The following WBP2 variants were observed in gnomAD, a reference collection of about 807,000 sequenced individuals.
WBP2 encodes WW domain-binding protein 2.
In WBP2, 23 loss-of-function variants were observed where a neutral mutation model predicts 33.0. That is an observed-to-expected ratio of 0.70 (90% CI 0.50 to 0.99). WBP2 has a LOEUF of 0.99. Among genes scored for constraint, WBP2 ranks in the 50% least tolerant of loss-of-function variants. The pLI, the probability that WBP2 is intolerant of heterozygous loss-of-function variation, is 0.00. For missense variants in WBP2, 353 were observed against 358.0 expected (o/e 0.99, Z 0.11); for synonymous variants, 153 against 133.5 (o/e 1.15, Z -1.01).
At chr17:75,847,109 A>G (rs1219794195) in intron 6 of WBP2, 125 bp from the exon 7 acceptor site, 9 of 1,066,844 alleles carry the variant, frequency 8.4e-6, no homozygotes, top group African/African-American at 1.6e-5. Context: ...CAATGAGAGC[A>G]GCAGGTGAGG....
Position 75,855,230 on chromosome 17 carries a change from T to C in WBP2, c.59+9A>G, listed in dbSNP as rs1267729166. On this transcript the variant is annotated intron_variant, in intron 1 of 7. Transcript: ENST00000254806. ...TTGGTCCTCCAGGATCCTTCCGCAG[T>C]GTTTTCACCTCTCGGTGTTATTGAC... 3 of 1,600,468 alleles carry C rather than the reference T, an allele frequency of 1.9e-6. No individual in the cohort carries two copies. Among genetic ancestry groups the C allele is most frequent in the Non-Finnish European group, 2.6e-6 (3 of 1,175,036 alleles).
In WBP2 at chr17:75,846,416, T is replaced by G; in HGVS notation, c.*318A>C. The G allele has an allele frequency of 4.7e-6, 2 of 426,586 alleles. No individual in the cohort carries two copies. The highest frequency in any genetic ancestry group is 2.2e-5 in the South Asian group (1 of 44,884). 26.4% of individuals were successfully genotyped at this position (426,586 alleles called of 1,614,324 possible). A position where few individuals can be genotyped will look rare whatever the true frequency, so the allele number is the denominator to read the frequency against. ...GGGAGCTGGACTGCGGTGGAGGAGG[T>G]GGCCAGAGAGTCCCTTCGAGGGGAG... On this transcript the variant is annotated 3_prime_UTR_variant, in exon 8 of 8. Transcript: ENST00000254806. The surrounding 1 kb of genome is among the most constrained non-coding windows in gnomAD (Gnocchi z 4.8).
intron 6 of WBP2, chr17:75,847,242 G>C: frequency 1.4e-6 from 1 of 691,464 alleles, no homozygotes; most frequent in Non-Finnish European, 2.4e-6. Flanking sequence ...GTGTAGATGA[G>C]AGGATCGAGA....
At chr17:75,853,134 C>T (rs1298216483) in intron 1 of WBP2, among the ~76,000 whole-genome samples, 1 of 152,182 alleles carries the variant, frequency 6.6e-6, no homozygotes, top group Non-Finnish European at 1.5e-5. Context: ...GCAACCTCCA[C>T]CTCCTGCGTT....
chr17:75,855,693 G>C (rs1003812148), upstream of WBP2, among the ~76,000 whole-genome samples: 3 of 152,264 alleles, frequency 2.0e-5, no homozygotes, highest in African/African-American at 7.2e-5. Flanking sequence ...CTCCTGGCAG[G>C]GGCGCGATCT....
chr17:75,848,002 G>A (rs2065005681), intron 4 of WBP2, 72 bp from the exon 5 acceptor site: 2 of 1,529,096 alleles, frequency 1.3e-6, no homozygotes, highest in Non-Finnish European at 1.8e-6. Context: ...CCCGCTGCCT[G>A]CAGATGGGAG....
At position 75,853,261 on chromosome 17, in the gene WBP2, G is replaced by A. The variant is rs571213545; in HGVS notation, c.60-1585C>T. Among the ~76,000 whole-genome samples the A allele has an allele frequency of 2.6e-5, 4 of 152,130 alleles. No homozygotes were observed. The East Asian group carries it at 5.8e-4, about 22-fold the overall frequency. ...AGGTTTTACCATGTTGGTCAGGCGG[G>A]TTTCAAACTCCTGACCTCAAGTGAT... On this transcript the variant is annotated intron_variant, in intron 1 of 7. Transcript: ENST00000254806.
In WBP2 at chr17:75,846,296, A is replaced by G. The variant is rs566670076; in HGVS notation, c.*438T>C. ...TTCTGAGACCAGCACAGACCAGCAG[A>G]GGGAATGTGAGCAGGGTCTGGCAGG... On this transcript the variant is annotated 3_prime_UTR_variant, in exon 8 of 8. Transcript: ENST00000254806. The surrounding 1 kb of genome is among the most constrained non-coding windows in gnomAD (Gnocchi z 4.8). The G allele has an allele frequency of 4.1e-5, 9 of 221,368 alleles. No homozygotes were observed. Among genetic ancestry groups the G allele is most frequent in the Non-Finnish European group, 7.5e-5 (8 of 107,140 alleles). The allele number at this position is 221,368 out of a possible 1,614,324, so 13.7% of individuals were successfully genotyped here. A position where few individuals can be genotyped will look rare whatever the true frequency, so the allele number is the denominator to read the frequency against.
chr17:75,849,613 C>T lies in WBP2; in HGVS notation c.295G>A (p.Glu99Lys). 6.2e-7 allele frequency: 1 copy of T among 1,614,064 alleles called. No homozygotes were observed. The highest frequency in any genetic ancestry group is 1.7e-5 in the Admixed American group (1 of 60,026). ...AGTTCCCATCACCTACCTCCCGCTTCCGCCTTCACTGTTCCCTTGATGTAG... is the reference window on the plus strand; with the variant it reads ...AGTTCCCATCACCTACCTCCCGCTTTCGCCTTCACTGTTCCCTTGATGTAG... ...ANYIKGTVKAEAGGGWEGSAS... is the reference protein window; with the variant it reads ...ANYIKGTVKAKAGGGWEGSAS... The change falls in exon 3 of 8, where the codon GAA becomes AAA. Residue 99 changes from glutamate to lysine, a missense_variant. Coordinates refer to ENST00000254806, the MANE Select transcript of WBP2 (RefSeq NM_012478.4).
Position 75,846,776 on chromosome 17 carries a change from CG to C in WBP2, c.743del (p.Pro248ArgfsTer52). Reference protein sequence around the residue: ...HNVYMPTSQPPPPPYYPPEDK... With the variant: ...HNVYMPTSQPXPPPYYPPEDK... ...CTTCCGGTGGGTAGTAGGGAGGTGGCGGCGGCTGGCTCTAAAGAAGGGAGAA... is the reference window on the plus strand; with the variant it reads ...CTTCCGGTGGGTAGTAGGGAGGTGGCGCGGCTGGCTCTAAAGAAGGGAGAA... On this transcript the variant is annotated frameshift_variant, in exon 8 of 8. Transcript: ENST00000254806. LOFTEE classifies it high-confidence loss of function. This position sits in a 1 kb window ranked among gnomAD's most constrained non-coding sequence, Gnocchi z 4.8. 1 of 1,548,730 alleles carries C rather than the reference CG, an allele frequency of 6.5e-7. No homozygotes were observed.
chr17:75,847,975 G>A (rs1276948041), intron 4 of WBP2, 45 bp from the exon 5 acceptor site: 3 of 1,553,882 alleles, frequency 1.9e-6, no homozygotes, highest in Non-Finnish European at 2.6e-6. Context: ...CCTGCCTTGG[G>A]GCGGGGAGAG....
chr17:75,847,287 T>C (rs2064999167), intron 6 of WBP2, 200 bp downstream of exon 6: 4 of 876,638 alleles, frequency 4.6e-6, no homozygotes, highest in Non-Finnish European at 7.0e-6. Context: ...CCAGGGCACA[T>C]GGATAGCTAA....
In WBP2 at chr17:75,849,713, A is replaced by C. The variant is rs1429115968; in HGVS notation, c.195T>G (p.Asp65Glu). Residue 65 changes from aspartate (D) to glutamate (E), a missense_variant, in exon 3 of 8, where the codon GAT (aspartate) becomes GAG (glutamate). Transcript: ENST00000254806. ...YRVIFLSKGK[D>E]AMQSFMMPFY... ...ATGGCATCATGAAGGACTGCATGGC[A>C]TCCTTGCCCTTGGACAGAAAGATGA... The C allele has an allele frequency of 1.2e-6, 2 of 1,614,160 alleles. No homozygotes were observed. The highest frequency in any genetic ancestry group is 2.2e-5 in the East Asian group (1 of 44,888).
Position 75,845,818 on chromosome 17 carries a change from T to C in WBP2, c.*916A>G, listed in dbSNP as rs2064986156. Reference sequence around the variant, plus strand: ...TGTCAAATAAATAGGGAATTCTCTTTAAATAACCATCTCCTCACTTCATGG... The same window carrying C: ...TGTCAAATAAATAGGGAATTCTCTTCAAATAACCATCTCCTCACTTCATGG... On this transcript the variant is annotated 3_prime_UTR_variant, in exon 8 of 8. Transcript: ENST00000254806. 6.6e-6 allele frequency: 1 copy of C among 152,530 alleles called. No individual in the cohort carries two copies. Among genetic ancestry groups the C allele is most frequent in the African/African-American group, 2.4e-5 (1 of 41,460 alleles). The allele number at this position is 152,530 out of a possible 1,614,324, so 9.4% of individuals were successfully genotyped here. A position where few individuals can be genotyped will look rare whatever the true frequency, so the allele number is the denominator to read the frequency against.
chr17:75,854,351 G>A (rs1349659168), intron 1 of WBP2, among the ~76,000 whole-genome samples: 2 of 152,132 alleles, frequency 1.3e-5, no homozygotes, highest in African/African-American at 4.8e-5. Context: ...TTCAACCCAG[G>A]GCTGGCTGGT....
chr17:75,846,865 T>C lies in WBP2; in HGVS notation c.732+43A>G. 6.2e-7 allele frequency: 1 copy of C among 1,613,522 alleles called. No individual in the cohort carries two copies. Among genetic ancestry groups the C allele is most frequent in the African/African-American group, 1.3e-5 (1 of 75,020 alleles). On this transcript the variant is annotated intron_variant, in intron 7 of 7. Coordinates refer to ENST00000254806, the MANE Select transcript of WBP2 (RefSeq NM_012478.4). The surrounding 1 kb of genome is among the most constrained non-coding windows in gnomAD (Gnocchi z 4.8). Reference sequence around the variant, plus strand: ...GGTCATCCCCCTGCGGCTCCCAGCATCTGCGGCTGTGGGGCTGCACCGGCA... The same window carrying C: ...GGTCATCCCCCTGCGGCTCCCAGCACCTGCGGCTGTGGGGCTGCACCGGCA...
At chr17:75,847,730 T>C (rs1309793419) in intron 5 of WBP2, 66 bp downstream of exon 5, 3 of 1,537,230 alleles carry the variant, frequency 2.0e-6, no homozygotes, top group Non-Finnish European at 1.8e-6. Context: ...AAAGTCTCCC[T>C]GGCCTGGGGG....
At chr17:75,851,455 C>G (rs1031256763) in intron 2 of WBP2, 113 bp downstream of exon 2, 1 of 756,038 alleles carries the variant, frequency 1.3e-6, no homozygotes, top group Non-Finnish European at 2.4e-6. Context: ...CTAACACTCA[C>G]CAGGATTCAG....
chr17:75,847,375 T>G, intron 6 of WBP2, 112 bp downstream of exon 6: 1 of 1,492,156 alleles, frequency 6.7e-7, no homozygotes. Flanking sequence ...AGTCCAGGGG[T>G]CATCCATCAT....
Sources: gnomAD v4.1 joint callset for allele counts (sites outside exome capture counted in the v4.1 genomes callset) on GRCh38, gnomAD v4.1.1 for gene constraint, Gnocchi (gnomAD v3.1) non-coding constraint, MANE v1.5 for transcripts, NCBI Gene and HGNC (gene_info 2026-07-23, HGNC 2026-07-21) for gene names.